Variants in GRIK2 observed in about 807,000 individuals in gnomAD.
GRIK2 encodes glutamate ionotropic receptor kainate type subunit 2, also known as glutamate receptor ionotropic, kainate 2.
Under a neutral mutation model 100.3 loss-of-function variants are expected in GRIK2, and 32 were observed. The observed-to-expected ratio is 0.32, with a 90% CI of 0.24 to 0.43. The LOEUF (loss-of-function observed/expected upper bound fraction) is 0.43, where lower values mean the gene tolerates loss of function less well. Among genes scored for constraint, GRIK2 ranks in the 20% least tolerant of loss-of-function variants. GRIK2 has a pLI of 1.00. For missense variants in GRIK2, 843 were observed against 1,114.9 expected (o/e 0.76, Z 3.47); for synonymous variants, 417 against 389.4 (o/e 1.07, Z -0.83).
chr6:101,479,783 C>T (rs929551108), intron 2 of GRIK2, among the ~76,000 whole-genome samples: 3 of 152,124 alleles, frequency 2.0e-5, no homozygotes, highest in Non-Finnish European at 4.4e-5. Flanking sequence ...CTGACAAATA[C>T]TTCACTCTTG....
rs376414858 is a variant in GRIK2, at chr6:101,786,618, C to T, written c.952-13030C>T. 1.6e-4 allele frequency among the ~76,000 whole-genome samples: 24 copies of T among 152,094 alleles called. 3 individuals carry two copies. Among genetic ancestry groups the T allele is most frequent in the East Asian group, 1.2e-3 (6 of 5,190 alleles). On this transcript the variant is annotated intron_variant, in intron 7 of 16. Coordinates refer to ENST00000369134, the MANE Select transcript of GRIK2 (RefSeq NM_021956.5). ...TATTGTTTTATGCAGGTTGAACCAT[C>T]CTTGAGCTCCTGGAATAAATTCCAC...
intron 2 of GRIK2, among the ~76,000 whole-genome samples, chr6:101,603,387 C>T (rs1779308431): frequency 1.3e-5 from 2 of 151,474 alleles, no homozygotes; most frequent in African/African-American, 4.8e-5. Flanking sequence ...TCTTGTAGAT[C>T]ATTGGAGGAG....
intron 11 of GRIK2, among the ~76,000 whole-genome samples, chr6:101,865,447 C>T (rs899580808): frequency 6.6e-6 from 1 of 152,118 alleles, no homozygotes; most frequent in Non-Finnish European, 1.5e-5. Context: ...TAAAAAGGCT[C>T]CAGGTATTAT....
At chr6:101,527,584 G>A (rs762032027) in intron 2 of GRIK2, among the ~76,000 whole-genome samples, 2 of 152,178 alleles carry the variant, frequency 1.3e-5, no homozygotes, top group African/African-American at 2.4e-5. Flanking sequence ...TCTCGACTTT[G>A]TGATTTTGAT....
At chr6:101,566,168 G>A (rs1246009118) in intron 2 of GRIK2, among the ~76,000 whole-genome samples, 1 of 151,634 alleles carries the variant, frequency 6.6e-6, no homozygotes, top group East Asian at 1.9e-4. Flanking sequence ...GAGGATCTGT[G>A]CAGGTGCAAA....
chr6:101,683,746 A>G (rs922472398), intron 6 of GRIK2, among the ~76,000 whole-genome samples: 23 of 152,170 alleles, frequency 1.5e-4, no homozygotes, highest in African/African-American at 5.1e-4. Flanking sequence ...AACACTTTTA[A>G]TTGTTGTGCC....
chr6:101,749,377 G>A (rs1333077192), intron 7 of GRIK2, among the ~76,000 whole-genome samples: 1 of 152,000 alleles, frequency 6.6e-6, no homozygotes, highest in Non-Finnish European at 1.5e-5. Flanking sequence ...CCAGATTGAT[G>A]GAATTACAGG....
Position 101,822,395 on chromosome 6 carries a change from GA to G in GRIK2, c.1317+3913del, listed in dbSNP as rs1176608302. Among the ~76,000 whole-genome samples, 14 of 151,996 alleles carry G rather than the reference GA, an allele frequency of 9.2e-5. No homozygotes were observed. The East Asian group carries it at 2.5e-3, about 27-fold the overall frequency. ...TAGAAGAATAGACAGCTGAGACTGA[GA>G]GTTTGAGGAGGAATTAGCAAGGTGA... On this transcript the variant is annotated intron_variant, in intron 10 of 16. Coordinates refer to ENST00000369134, the MANE Select transcript of GRIK2 (RefSeq NM_021956.5).
intron 2 of GRIK2, among the ~76,000 whole-genome samples, chr6:101,462,235 A>C (rs1298911159): frequency 6.6e-6 from 1 of 152,174 alleles, no homozygotes; most frequent in East Asian, 1.9e-4. Flanking sequence ...GGTGTCCCTC[A>C]ATACATATTT....
chr6:102,028,197 A>G (rs950117317), intron 14 of GRIK2, among the ~76,000 whole-genome samples: 3 of 151,200 alleles, frequency 2.0e-5, no homozygotes, highest in African/African-American at 7.3e-5. Flanking sequence ...TTTACATTGT[A>G]TGCTCTTTTT....
At chr6:101,553,771 A>T (rs1776616899) in intron 2 of GRIK2, among the ~76,000 whole-genome samples, 1 of 152,236 alleles carries the variant, frequency 6.6e-6, no homozygotes, top group Non-Finnish European at 1.5e-5. Context: ...CCATAGGTAA[A>T]ATTTTAGAAA....
chr6:101,603,777 T>G (rs1237690973), intron 2 of GRIK2, among the ~76,000 whole-genome samples: 1 of 151,758 alleles, frequency 6.6e-6, no homozygotes, highest in Non-Finnish European at 1.5e-5. Flanking sequence ...AACTATGTAT[T>G]GTGTGACATA....
intron 14 of GRIK2, among the ~76,000 whole-genome samples, chr6:101,976,523 G>A (rs565100754): frequency 6.6e-6 from 1 of 151,690 alleles, no homozygotes; most frequent in Non-Finnish European, 1.5e-5. Context: ...TGGAGAAATC[G>A]TGTCTCTATA....
chr6:102,042,536 A>G (rs1230459375), intron 15 of GRIK2, among the ~76,000 whole-genome samples: 1 of 151,686 alleles, frequency 6.6e-6, no homozygotes, highest in Non-Finnish European at 1.5e-5. Context: ...AAGGGACTTC[A>G]GCAATACTTA....
At chr6:101,969,737 G>C (rs1485912452) in intron 14 of GRIK2, among the ~76,000 whole-genome samples, 1 of 151,930 alleles carries the variant, frequency 6.6e-6, no homozygotes, top group African/African-American at 2.4e-5. Context: ...ACATATATAG[G>C]ATTGTGTGTC....
At chr6:101,617,476 T>C (rs180928484) in intron 2 of GRIK2, among the ~76,000 whole-genome samples, 14 of 151,958 alleles carry the variant, frequency 9.2e-5, no homozygotes, top group Non-Finnish European at 1.6e-4. Context: ...CTTGCACATA[T>C]GCTTTGATGA....
chr6:101,649,371 G>C (rs889618839), intron 4 of GRIK2, among the ~76,000 whole-genome samples: 1 of 152,094 alleles, frequency 6.6e-6, no homozygotes, highest in Non-Finnish European at 1.5e-5. Context: ...GTCACACAGT[G>C]CTTGGTACCC....
chr6:102,016,548 AT>A (rs570994945), intron 14 of GRIK2, among the ~76,000 whole-genome samples: 73 of 151,634 alleles, frequency 4.8e-4, no homozygotes, highest in South Asian at 2.1e-3. Flanking sequence ...TACAAAAAAA[AT>A]AAATAAAAAA....
chr6:102,022,365 TCA>T (rs1166743328), intron 14 of GRIK2, among the ~76,000 whole-genome samples: 1 of 151,714 alleles, frequency 6.6e-6, no homozygotes, highest in African/African-American at 2.4e-5. Flanking sequence ...AGACATACAC[TCA>T]CAGGTACACA....
Sources: gnomAD v4.1 joint callset for allele counts (sites outside exome capture counted in the v4.1 genomes callset) on GRCh38, gnomAD v4.1.1 for gene constraint, MANE v1.5 for transcripts, NCBI Gene and HGNC (gene_info 2026-07-23, HGNC 2026-07-21) for gene names.